The following GRIK2 variants were observed in gnomAD, a reference collection of about 807,000 sequenced individuals.
GRIK2 encodes the protein glutamate ionotropic receptor kainate type subunit 2.
Under a neutral mutation model 100.3 loss-of-function variants are expected in GRIK2, and 32 were observed. That is an observed-to-expected ratio of 0.32 (90% CI 0.24 to 0.43). The LOEUF (loss-of-function observed/expected upper bound fraction) is 0.43, where lower values mean the gene tolerates loss of function less well. Ranked by LOEUF, GRIK2 falls within the 20% of genes least tolerant of loss-of-function variation. The pLI is 1.00. For missense variants in GRIK2, 843 were observed against 1,114.9 expected (o/e 0.76, Z 3.47); for synonymous variants, 417 against 389.4 (o/e 1.07, Z -0.83).
At chr6:101,625,383 ATAAT>A (rs1780382580) in intron 3 of GRIK2, among the ~76,000 whole-genome samples, 1 of 135,216 alleles carries the variant, frequency 7.4e-6, no homozygotes, top group African/African-American at 2.6e-5. Flanking sequence ...AACAAAATAA[ATAAT>A]AAATAAATAA....
chr6:101,784,942 C>T (rs940584141), intron 7 of GRIK2, among the ~76,000 whole-genome samples: 52 of 152,222 alleles, frequency 3.4e-4, no homozygotes, highest in African/African-American at 1.2e-3. Flanking sequence ...GTTCCTTTTT[C>T]TCCATGTTTT....
intron 14 of GRIK2, among the ~76,000 whole-genome samples, chr6:101,967,429 T>C (rs1295593880): frequency 1.3e-5 from 2 of 152,072 alleles, no homozygotes; most frequent in East Asian, 3.9e-4. Context: ...GAATATTCAA[T>C]TTACATAAGC....
chr6:101,535,386 C>T (rs1352737700), intron 2 of GRIK2, among the ~76,000 whole-genome samples: 1 of 151,666 alleles, frequency 6.6e-6, no homozygotes, highest in African/African-American at 2.4e-5. Context: ...AATGAAAATT[C>T]ACTTTTTGAT....
rs184223955 is a variant in GRIK2 at position 101,963,212 on chromosome 6, G to A, written c.2085+34580G>A. Among the ~76,000 whole-genome samples, 484 of 134,692 alleles carry A rather than the reference G, an allele frequency of 3.6e-3. 4 individuals carry two copies. The highest frequency in any genetic ancestry group is 0.016 in the Middle Eastern group (4 of 250). The allele number at this position is 134,692 out of a possible 152,430, so 88.4% of individuals were successfully genotyped here. A position where few individuals can be genotyped will look rare whatever the true frequency, so the allele number is the denominator to read the frequency against. Reference sequence around the variant, plus strand: ...CTTTGTATTTTTTGTTATTTTCTTTGTGGTTGATTTAGGACTTATATATCT... The same window carrying A: ...CTTTGTATTTTTTGTTATTTTCTTTATGGTTGATTTAGGACTTATATATCT... On this transcript the variant is annotated intron_variant, in intron 14 of 16. Coordinates refer to ENST00000369134, the MANE Select transcript of GRIK2 (RefSeq NM_021956.5).
chr6:102,042,272 C>A (rs1263052645), intron 15 of GRIK2, among the ~76,000 whole-genome samples: 1 of 151,482 alleles, frequency 6.6e-6, no homozygotes, highest in East Asian at 1.9e-4. Context: ...CTCCAAAGGC[C>A]TGTATATTTT....
intron 1 of GRIK2, among the ~76,000 whole-genome samples, chr6:101,396,187 C>T (rs1456451078): frequency 6.6e-6 from 1 of 151,340 alleles, no homozygotes; most frequent in African/African-American, 2.4e-5. Context: ...CATGTTAAGG[C>T]ATCAACTATG....
intron 12 of GRIK2, among the ~76,000 whole-genome samples, chr6:101,906,333 A>G (rs983043778): frequency 7.3e-6 from 1 of 137,686 alleles, no homozygotes; most frequent in Admixed American, 7.4e-5. Flanking sequence ...GCAGATTATT[A>G]AACTTTCTTG....
chr6:101,914,422 G>C (rs1405618031), intron 12 of GRIK2, among the ~76,000 whole-genome samples: 3 of 151,518 alleles, frequency 2.0e-5, no homozygotes, highest in Non-Finnish European at 4.4e-5. Flanking sequence ...TGAGATACCA[G>C]TGAATTCAGC....
intron 2 of GRIK2, among the ~76,000 whole-genome samples, chr6:101,557,029 A>G (rs2518307): frequency 2.6e-5 from 4 of 151,624 alleles, no homozygotes; most frequent in Non-Finnish European, 5.9e-5. Context: ...TTAAAAAAAA[A>G]CTCTCTTTTA....
chr6:101,921,924 A>T (rs1158493418), intron 12 of GRIK2, among the ~76,000 whole-genome samples: 3 of 151,122 alleles, frequency 2.0e-5, no homozygotes, highest in Non-Finnish European at 4.5e-5. Flanking sequence ...TAAGAAAAAA[A>T]GCAGAGAATG....
chr6:101,946,769 G>C (rs1791305162), intron 14 of GRIK2, among the ~76,000 whole-genome samples: 1 of 152,068 alleles, frequency 6.6e-6, no homozygotes, highest in Non-Finnish European at 1.5e-5. Context: ...AAGTTGGAGA[G>C]GGGGATGGAG....
At chr6:101,872,975 C>T (rs1785528968) in intron 11 of GRIK2, among the ~76,000 whole-genome samples, 1 of 151,746 alleles carries the variant, frequency 6.6e-6, no homozygotes, top group Admixed American at 6.6e-5. Context: ...ACAGTGATAC[C>T]ATAGTGAAGA....
At chr6:101,402,419 T>C (rs1270957349) in intron 2 of GRIK2, among the ~76,000 whole-genome samples, 1 of 152,122 alleles carries the variant, frequency 6.6e-6, no homozygotes, top group Non-Finnish European at 1.5e-5. Flanking sequence ...ACCTCCAGCC[T>C]CAGCCGACTC....
chr6:101,686,960 A>T (rs1771745398), intron 7 of GRIK2, among the ~76,000 whole-genome samples: 1 of 152,082 alleles, frequency 6.6e-6, no homozygotes, highest in South Asian at 2.1e-4. Flanking sequence ...CAATGCTTAC[A>T]ATAAAAATCT....
Position 101,866,900 on chromosome 6 carries a change from TTG to T in GRIK2, c.1524+7424_1524+7425del, listed in dbSNP as rs60775585. On this transcript the variant is annotated intron_variant, in intron 11 of 16. Transcript: ENST00000369134. ...GCTAAGACTTTATCTCTTAATTTCA[TTG>T]TGTGTGTGTGTGTGTGAATGTGTGT... 8.7e-3 allele frequency among the ~76,000 whole-genome samples: 1,306 copies of T among 149,288 alleles called. 24 individuals carry two copies. The highest frequency in any genetic ancestry group is 0.029 in the African/African-American group (1,205 of 40,894).
intron 2 of GRIK2, among the ~76,000 whole-genome samples, chr6:101,471,237 C>A (rs1264238444): frequency 6.6e-6 from 1 of 151,982 alleles, no homozygotes; most frequent in African/African-American, 2.4e-5. Context: ...TATTTAGTAG[C>A]CCTATCTATA....
chr6:101,619,751 T>C (rs1780058066), intron 2 of GRIK2, among the ~76,000 whole-genome samples: 1 of 152,140 alleles, frequency 6.6e-6, no homozygotes, highest in South Asian at 2.1e-4. Context: ...AGTTACGTCT[T>C]ATTAAGTCAT....
At chr6:101,488,662 C>A (rs1772950147) in intron 2 of GRIK2, among the ~76,000 whole-genome samples, 1 of 146,604 alleles carries the variant, frequency 6.8e-6, no homozygotes, top group Non-Finnish European at 1.5e-5. Context: ...GCTTGTGTTT[C>A]CTCATCTACA....
chr6:101,713,523 C>T (rs1447983557), intron 7 of GRIK2, among the ~76,000 whole-genome samples: 1 of 151,712 alleles, frequency 6.6e-6, no homozygotes, highest in African/African-American at 2.4e-5. Flanking sequence ...TTATTATCTT[C>T]AAGCATGTGG....
Sources: allele counts gnomAD v4.1 joint callset (sites outside exome capture counted in the v4.1 genomes callset), GRCh38; gene constraint gnomAD v4.1.1; transcripts MANE v1.5; gene names NCBI Gene and HGNC (gene_info 2026-07-23, HGNC 2026-07-21).